Variants in CREBBP observed in about 807,000 individuals in gnomAD.
The protein encoded by CREBBP is CREB binding lysine acetyltransferase, also known as CREB-binding protein.
CREBBP carries 19 observed loss-of-function variants against 265.0 expected under a neutral mutation model. The observed-to-expected ratio is 0.07, with a 90% CI of 0.05 to 0.11. The LOEUF (loss-of-function observed/expected upper bound fraction) is 0.11. Among genes scored for constraint, CREBBP ranks in the 10% least tolerant of loss-of-function variants. The pLI, the probability that CREBBP is intolerant of heterozygous loss-of-function variation, is 1.00. For missense variants in CREBBP, 2,525 were observed against 3,219.0 expected, an observed-to-expected ratio of 0.78 and a Z score of 5.22; for synonymous variants, 1,457 against 1,223.7, an observed-to-expected ratio of 1.19 and a Z score of -3.98.
At position 3,734,707 on chromosome 16, in the gene CREBBP, T is replaced by G. The variant is rs182593437; in HGVS notation, c.4728+1329A>C. Among the ~76,000 whole-genome samples the G allele has an allele frequency of 9.2e-4, 140 of 151,770 alleles. 2 individuals are homozygous for G. The Middle Eastern group carries it at 0.01, about 11-fold the overall frequency. On this transcript the variant is annotated intron_variant, in intron 28 of 30. Transcript: ENST00000262367. ...CACGCCACCCCCTGCCCGCGCCTCC[T>G]CTGTCCTGCGAATGACACTCTGGGG...
chr16:3,786,052 C>G (rs896154914), intron 5 of CREBBP, among the ~76,000 whole-genome samples: 4 of 152,348 alleles, frequency 2.6e-5, no homozygotes, highest in Non-Finnish European at 5.9e-5. Flanking sequence ...AAACAATGTT[C>G]CACTAAGAGG....
In CREBBP at chr16:3,760,395, T is replaced by TG. The variant is rs1567289724; in HGVS notation, c.3251-1424_3251-1423insC. ...GCACTAAGCTATCATGCCCAGGTTT[T>TG]TTTTTTTTTTTTTTTTTTTTTTTTT... On this transcript the variant is annotated intron_variant, in intron 16 of 30. Transcript: ENST00000262367. 5.4e-5 allele frequency among the ~76,000 whole-genome samples: 5 copies of TG among 91,938 alleles called. No individual in the cohort carries two copies. In the South Asian group the frequency reaches 1.9e-3, roughly 34 times the overall value. The allele number at this position is 91,938 out of a possible 152,430, so 60.3% of individuals were successfully genotyped here.
intron 1 of CREBBP, among the ~76,000 whole-genome samples, chr16:3,852,412 T>C (rs965408625): frequency 6.6e-6 from 1 of 151,948 alleles, no homozygotes; most frequent in African/African-American, 2.4e-5. Context: ...TCATGATCCA[T>C]GGGAGGCCTC....
chr16:3,738,314 TAA>T (rs369510235), intron 26 of CREBBP, among the ~76,000 whole-genome samples: 42 of 131,122 alleles, frequency 3.2e-4, no homozygotes, highest in Non-Finnish European at 4.3e-4. Flanking sequence ...TCAATAAAGT[TAA>T]AAAAAAAAAA....
intron 2 of CREBBP, 50 bp downstream of exon 2, chr16:3,850,247 G>A (rs1341282969): frequency 1.9e-6 from 3 of 1,600,640 alleles, no homozygotes; most frequent in African/African-American, 1.3e-5. Flanking sequence ...TACTCGGAGG[G>A]AAAGCCCGCG....
intron 5 of CREBBP, among the ~76,000 whole-genome samples, chr16:3,788,046 G>A (rs2053426706): frequency 6.6e-6 from 1 of 152,206 alleles, no homozygotes; most frequent in Non-Finnish European, 1.5e-5. Context: ...AGCAGTGGGA[G>A]CTACACTCAT....
In CREBBP at chr16:3,740,258, G is replaced by A. The variant is rs186716859; in HGVS notation, c.4133+141C>T. ...TAAAACCCCAGACAGGACAACCGCA[G>A]CTGAGGGGGCTACTGCACGCATTCG... On this transcript the variant is annotated intron_variant, in intron 24 of 30. Coordinates refer to ENST00000262367, the MANE Select transcript of CREBBP (RefSeq NM_004380.3). 1.1e-3 allele frequency: 1,022 copies of A among 939,628 alleles called. 9 individuals carry two copies. In the African/African-American group the frequency reaches 0.013, roughly 12 times the overall value. The allele number at this position is 939,628 out of a possible 1,614,324, so 58.2% of individuals were successfully genotyped here. A position where few individuals can be genotyped will look rare whatever the true frequency, so the allele number is the denominator to read the frequency against.
At chr16:3,829,969 A>G (rs2054310622) in intron 2 of CREBBP, among the ~76,000 whole-genome samples, 1 of 152,248 alleles carries the variant, frequency 6.6e-6, no homozygotes. Context: ...AAATAAGATG[A>G]GAAACCTAAA....
intron 26 of CREBBP, among the ~76,000 whole-genome samples, 197 bp downstream of exon 26, chr16:3,738,362 G>C (rs2052122102): frequency 6.6e-6 from 1 of 151,710 alleles, no homozygotes; most frequent in Non-Finnish European, 1.5e-5. Flanking sequence ...TAGGGAAAGA[G>C]CTTGCTACGT....
At chr16:3,736,564 C>T (rs1033228632) in intron 27 of CREBBP, 86 bp downstream of exon 27, 2 of 1,556,558 alleles carry the variant, frequency 1.3e-6, no homozygotes, top group East Asian at 4.5e-5. Flanking sequence ...AGGTAATTAA[C>T]AAGTATGCGA....
At chr16:3,779,174 G>GA (rs776005629) in intron 8 of CREBBP, among the ~76,000 whole-genome samples, 1 of 135,276 alleles carries the variant, frequency 7.4e-6, no homozygotes, top group Non-Finnish European at 1.6e-5. Context: ...ACCAAAAAAA[G>GA]AAGAAAAAAA....
intron 2 of CREBBP, among the ~76,000 whole-genome samples, chr16:3,828,376 G>C (rs549116877): frequency 6.6e-6 from 1 of 152,316 alleles, no homozygotes; most frequent in East Asian, 1.9e-4. Flanking sequence ...ACAAGCGTGA[G>C]CCACCATGCC....
chr16:3,742,655 T>C (rs2052245322), intron 23 of CREBBP: 1 of 152,152 alleles, frequency 6.6e-6, no homozygotes, highest in Admixed American at 6.5e-5. Flanking sequence ...TTAATCTACC[T>C]GAATTTGGTT....
chr16:3,775,230 A>G (rs2053108705), intron 11 of CREBBP, among the ~76,000 whole-genome samples: 1 of 152,110 alleles, frequency 6.6e-6, no homozygotes, highest in Admixed American at 6.6e-5. Context: ...AAGTCTCCAA[A>G]TGTTCTTTTA....
In CREBBP at chr16:3,801,669, T is replaced by TAA. The variant is rs560780116; in HGVS notation, c.976-8045_976-8044dup. Among the ~76,000 whole-genome samples the TAA allele has an allele frequency of 2.7e-5, 4 of 150,874 alleles. No individual in the cohort carries two copies. The South Asian group carries it at 8.4e-4, about 32-fold the overall frequency. On this transcript the variant is annotated intron_variant, in intron 3 of 30. Coordinates refer to ENST00000262367, the MANE Select transcript of CREBBP (RefSeq NM_004380.3). ...TGTGCAACAAGAGCAACATTCTGTC[T>TAA]AAAAAAAAACAGAAGAACGGGGTAA...
chr16:3,733,787 G>A (rs141111313), intron 28 of CREBBP, among the ~76,000 whole-genome samples: 3,296 of 152,070 alleles, frequency 0.022, 122 homozygotes, highest in African/African-American at 0.075. Context: ...GACTACAGGC[G>A]TGCGCCACCA....
intron 11 of CREBBP, among the ~76,000 whole-genome samples, chr16:3,775,487 T>G (rs2053115703): frequency 6.6e-6 from 1 of 152,166 alleles, no homozygotes; most frequent in African/African-American, 2.4e-5. Flanking sequence ...TTTAGAGAAT[T>G]TCTGGAAGGT....
intron 5 of CREBBP, among the ~76,000 whole-genome samples, chr16:3,786,294 A>C (rs1314994663): frequency 6.6e-6 from 1 of 152,158 alleles, no homozygotes; most frequent in African/African-American, 2.4e-5. Context: ...TGAACCTAGG[A>C]GGTAGAAGTT....
intron 20 of CREBBP, among the ~76,000 whole-genome samples, chr16:3,751,235 A>G (rs542706280): frequency 6.6e-6 from 1 of 152,320 alleles, no homozygotes; most frequent in African/African-American, 2.4e-5. Context: ...GGTTCAGCCA[A>G]AACACATTTT....
Sources: gnomAD v4.1 joint callset for allele counts (sites outside exome capture counted in the v4.1 genomes callset) on GRCh38, gnomAD v4.1.1 for gene constraint, MANE v1.5 for transcripts, NCBI Gene and HGNC (gene_info 2026-07-23, HGNC 2026-07-21) for gene names.